Variants in RC3H2 observed in about 807,000 individuals in gnomAD.
RC3H2 encodes the protein roquin-2.
A neutral mutation model predicts 133.3 loss-of-function variants in RC3H2; 31 were observed. That is an observed-to-expected ratio of 0.23 (90% CI 0.17 to 0.31). RC3H2 has a LOEUF of 0.31. Among genes scored for constraint, RC3H2 ranks in the 10% least tolerant of loss-of-function variants. The pLI is 1.00. For missense variants in RC3H2, 1,175 were observed against 1,437.2 expected, an observed-to-expected ratio of 0.82 and a Z score of 2.95; for synonymous variants, 517 against 502.2, an observed-to-expected ratio of 1.03 and a Z score of -0.40.
At chr9:122,858,308 T>C (rs1830327614) in intron 12 of RC3H2, among the ~76,000 whole-genome samples, 1 of 152,254 alleles carries the variant, frequency 6.6e-6, no homozygotes, top group African/African-American at 2.4e-5. Context: ...CTTTTCTTGC[T>C]TAGGGAAGTC....
At chr9:122,891,366 G>C (rs4838019) in intron 3 of RC3H2, among the ~76,000 whole-genome samples, 34,385 of 151,826 alleles carry the variant, frequency 0.23, 5,273 homozygotes, top group East Asian at 0.65. Flanking sequence ...ATTTTCTAGA[G>C]TTGTCTATAC....
intron 4 of RC3H2, among the ~76,000 whole-genome samples, chr9:122,885,650 C>CT (rs1291594056): frequency 1.3e-5 from 2 of 152,040 alleles, no homozygotes; most frequent in East Asian, 1.9e-4. Context: ...CTGGCAAGGA[C>CT]TTTTTTAAAA....
At chr9:122,864,289 A>T (rs1674284168) in intron 10 of RC3H2, among the ~76,000 whole-genome samples, 1 of 152,212 alleles carries the variant, frequency 6.6e-6, no homozygotes, top group African/African-American at 2.4e-5. Context: ...CTTTTCAGAT[A>T]ATCTGAAAAT....
chr9:122,853,392 A>AG (rs1554767388), intron 18 of RC3H2, among the ~76,000 whole-genome samples: 2 of 151,202 alleles, frequency 1.3e-5, no homozygotes, highest in African/African-American at 4.9e-5. Flanking sequence ...AAAAAAAAAA[A>AG]AAAAAGAAAA....
intron 10 of RC3H2, among the ~76,000 whole-genome samples, chr9:122,860,453 G>A (rs1039936200): frequency 7.0e-6 from 1 of 143,494 alleles, no homozygotes; most frequent in Non-Finnish European, 1.5e-5. Context: ...TGTCACCCGG[G>A]CTGGAGTGCA....
At chr9:122,852,761 G>T (rs1474586941) in intron 18 of RC3H2, among the ~76,000 whole-genome samples, 1 of 150,436 alleles carries the variant, frequency 6.6e-6, no homozygotes, top group Admixed American at 6.6e-5. Flanking sequence ...GGGAGGTGGG[G>T]GGGTCAGCCC....
At chr9:122,856,472 A>G (rs760527330) in intron 13 of RC3H2, among the ~76,000 whole-genome samples, 6 of 152,200 alleles carry the variant, frequency 3.9e-5, no homozygotes. Flanking sequence ...CTAGGCTGGT[A>G]TCAAACTCCT....
intron 14 of RC3H2, 54 bp downstream of exon 14, chr9:122,855,678 G>A: frequency 6.4e-7 from 1 of 1,551,054 alleles, no homozygotes; most frequent in South Asian, 1.2e-5. Context: ...TACAACATGA[G>A]TGAACATGCA....
chr9:122,855,753 A>G lies in RC3H2; in HGVS notation c.2580T>C (p.Ala860=), dbSNP rs1317190154. The G allele has an allele frequency of 6.2e-7, 1 of 1,613,068 alleles. No individual in the cohort carries two copies. The highest frequency in any genetic ancestry group is 8.5e-7 in the Non-Finnish European group (1 of 1,179,450). The change falls in exon 14 of 21, where the codon GCT becomes GCC. Residue 860 remains alanine (A), a synonymous_variant. Coordinates refer to ENST00000357244, the MANE Select transcript of RC3H2 (RefSeq NM_001100588.3). The stretch of plus-strand genomic sequence containing the variant: ...ATACCATTAACACAGCATTTGAATT[A>G]GCAATGACATCTTTGGGCTCTGAAT... The part of the protein sequence containing the change: ...AIDSEPKDVI[A]NSNAVLMDLD...
At chr9:122,886,598 A>G (rs1373723166) in intron 4 of RC3H2, among the ~76,000 whole-genome samples, 1 of 152,238 alleles carries the variant, frequency 6.6e-6, no homozygotes, top group African/African-American at 2.4e-5. Flanking sequence ...CCGAGATGGG[A>G]GGATCACTTG....
intron 20 of RC3H2, among the ~76,000 whole-genome samples, chr9:122,850,435 T>TATCTATAGATAGATAGATAGATAG (rs11267855): frequency 2.0e-5 from 3 of 149,862 alleles, no homozygotes; most frequent in African/African-American, 5.0e-5. Context: ...GCTATCTATC[T>TATCTATAGATAGATAGATAGATAG]ATAGATAGAT....
At chr9:122,898,706 G>A (rs117650396) in intron 1 of RC3H2, among the ~76,000 whole-genome samples, 3,263 of 147,116 alleles carry the variant, frequency 0.022, 254 homozygotes, top group East Asian at 0.18. Context: ...CCGAGATCAC[G>A]TCATCGCACT....
At chr9:122,884,996 G>T (rs892179393) in intron 4 of RC3H2, among the ~76,000 whole-genome samples, 1 of 152,092 alleles carries the variant, frequency 6.6e-6, no homozygotes, top group African/African-American at 2.4e-5. Flanking sequence ...CGTATAGAAA[G>T]TGATCTTGAA....
chr9:122,877,370 A>C (rs1221337295), intron 9 of RC3H2, 101 bp downstream of exon 9: 2 of 894,098 alleles, frequency 2.2e-6, no homozygotes, highest in Non-Finnish European at 3.5e-6. Flanking sequence ...CCAGCCCTTA[A>C]CTTGCATTTT....
intron 9 of RC3H2, among the ~76,000 whole-genome samples, chr9:122,868,851 G>A (rs1178966952): frequency 1.2e-4 from 1 of 8,662 alleles, no homozygotes; most frequent in East Asian, 7.3e-4. Context: ...GTGTGTGTGT[G>A]TGTGTGTGTG....
In RC3H2 at chr9:122,848,596, TAAC is replaced by T. The variant is rs1829916483; in HGVS notation, c.*1028_*1030del. The stretch of plus-strand genomic sequence containing the variant: ...AGAAAAACTAAACCCCAACATGAAG[TAAC>T]AATAAACAATATTTAACCAAGATAA... On this transcript the variant is annotated 3_prime_UTR_variant, in exon 21 of 21. Transcript: ENST00000357244. 1 of 152,138 alleles carries T rather than the reference TAAC, an allele frequency of 6.6e-6. No homozygotes were observed. Among genetic ancestry groups the T allele is most frequent in the Non-Finnish European group, 1.5e-5 (1 of 68,004 alleles). 9.4% of individuals were successfully genotyped at this position (152,138 alleles called of 1,614,324 possible).
chr9:122,875,069 G>A, intron 9 of RC3H2: 2 of 1,206,296 alleles, frequency 1.7e-6, no homozygotes, highest in Non-Finnish European at 2.2e-6. Flanking sequence ...GTATGGACAA[G>A]CTGAATGTAT....
chr9:122,890,150 A>G (rs10818758), intron 4 of RC3H2, 162 bp downstream of exon 4: 127,565 of 655,516 alleles, frequency 0.19, 19,909 homozygotes, highest in East Asian at 0.7. Context: ...CAAACAAAAC[A>G]AAACAGCAAT....
chr9:122,894,656 G>A lies in RC3H2; in HGVS notation c.232-1630C>T, dbSNP rs183216406. Among the ~76,000 whole-genome samples, 6 of 152,294 alleles carry A rather than the reference G, an allele frequency of 3.9e-5. 1 individual carries two copies. Among genetic ancestry groups the A allele is most frequent in the Admixed American group, 3.9e-4 (6 of 15,300 alleles). ...GCACTTTGGGAGGCCAAGGTGGGCA[G>A]ATCACTTGAGGTCAGGAGTTCGAGA... On this transcript the variant is annotated intron_variant, in intron 2 of 20. Transcript: ENST00000357244.
Sources: gnomAD v4.1 joint callset for allele counts (sites outside exome capture counted in the v4.1 genomes callset) on GRCh38, gnomAD v4.1.1 for gene constraint, MANE v1.5 for transcripts, NCBI Gene and HGNC (gene_info 2026-07-23, HGNC 2026-07-21) for gene names.